TMTC2: variants seen among roughly 807,000 people sequenced by gnomAD.
TMTC2 encodes transmembrane O-mannosyltransferase targeting cadherins 2.
A neutral mutation model predicts 82.4 loss-of-function variants in TMTC2; 43 were observed. The ratio of observed to expected loss-of-function variants is 0.52; its 90% CI spans 0.41 to 0.67. The LOEUF is 0.67. Ranked by LOEUF, TMTC2 falls within the 30% of genes least tolerant of loss-of-function variation. The probability of loss-of-function intolerance (pLI) is 0.00; values close to 1 mark genes in which losing one functional copy is unlikely to be tolerated. For missense variants in TMTC2, 919 were observed against 1,012.4 expected (o/e 0.91, Z 1.25); for synonymous variants, 408 against 381.9 (o/e 1.07, Z -0.80).
At chr12:83,124,326 C>CA (rs1419586683) in intron 11 of TMTC2, among the ~76,000 whole-genome samples, 2 of 152,172 alleles carry the variant, frequency 1.3e-5, no homozygotes, top group African/African-American at 4.8e-5. Context: ...CTAGCACATA[C>CA]AAATTTGTCT....
intron 9 of TMTC2, among the ~76,000 whole-genome samples, chr12:83,045,511 C>A (rs559502330): frequency 1.3e-5 from 2 of 152,080 alleles, no homozygotes; most frequent in Non-Finnish European, 2.9e-5. Context: ...ATCTGTTGTT[C>A]CCTGTGAAGG....
intron 3 of TMTC2, among the ~76,000 whole-genome samples, chr12:82,929,983 G>GT (rs1374852857): frequency 2.6e-5 from 4 of 151,936 alleles, no homozygotes; most frequent in Non-Finnish European, 4.4e-5. Flanking sequence ...ATCTTGTTTA[G>GT]TTTTTTTGCT....
In TMTC2 at chr12:83,032,822, A is replaced by T. The variant is rs149473564; in HGVS notation, c.2152+1943A>T. Among the ~76,000 whole-genome samples, 768 of 152,256 alleles carry T rather than the reference A, an allele frequency of 5.0e-3. 3 individuals are homozygous for T. Among genetic ancestry groups the T allele is most frequent in the Non-Finnish European group, 8.3e-3 (568 of 68,028 alleles). On this transcript the variant is annotated intron_variant, in intron 9 of 11. Transcript: ENST00000321196. ...GTGATCCACCTGCTTTGGCCTCCCA[A>T]ATTGCTGGGGTTAGAGGCGTGAGCC...
At chr12:82,982,899 G>A (rs560376525) in intron 7 of TMTC2, among the ~76,000 whole-genome samples, 7 of 152,000 alleles carry the variant, frequency 4.6e-5, no homozygotes, top group Non-Finnish European at 1.0e-4. Context: ...GTATAATTTA[G>A]CCACACTGCT....
intron 9 of TMTC2, among the ~76,000 whole-genome samples, chr12:83,032,160 T>C (rs1300149180): frequency 2.0e-5 from 3 of 151,202 alleles, no homozygotes; most frequent in African/African-American, 7.3e-5. Context: ...GGAGGTTTTT[T>C]TTTCCCACTA....
At chr12:82,792,448 A>G (rs911466730) in intron 1 of TMTC2, among the ~76,000 whole-genome samples, 1 of 151,750 alleles carries the variant, frequency 6.6e-6, no homozygotes, top group Non-Finnish European at 1.5e-5. Context: ...CCTCTCCTCA[A>G]TGGTTTTTTG....
intron 1 of TMTC2, among the ~76,000 whole-genome samples, chr12:82,735,048 A>G (rs1340442568): frequency 6.6e-6 from 1 of 152,194 alleles, no homozygotes; most frequent in African/African-American, 2.4e-5. Flanking sequence ...TCCTTATTCC[A>G]CAGATACTTA....
intron 10 of TMTC2, among the ~76,000 whole-genome samples, chr12:83,059,413 A>AACTG (rs1034949323): frequency 6.6e-6 from 1 of 151,794 alleles, no homozygotes; most frequent in Admixed American, 6.6e-5. Context: ...CCGTGGGTAC[A>AACTG]ACTGACGTAT....
intron 9 of TMTC2, among the ~76,000 whole-genome samples, chr12:83,031,871 C>G (rs925435840): frequency 2.6e-5 from 4 of 152,126 alleles, no homozygotes; most frequent in Non-Finnish European, 1.5e-5. Flanking sequence ...TGTTTACAAA[C>G]CTAGGGTTGC....
intron 10 of TMTC2, among the ~76,000 whole-genome samples, chr12:83,056,044 T>TG (rs2137464311): frequency 6.6e-6 from 1 of 152,128 alleles, no homozygotes; most frequent in African/African-American, 2.4e-5. Context: ...TTACATGCTA[T>TG]GATTCTTGAC....
intron 11 of TMTC2, among the ~76,000 whole-genome samples, chr12:83,092,934 T>C (rs1883890688): frequency 6.6e-6 from 1 of 152,254 alleles, no homozygotes; most frequent in Non-Finnish European, 1.5e-5. Context: ...TGAAATTTAC[T>C]GGTGGTAAAG....
At chr12:83,119,071 A>G (rs1884862296) in intron 11 of TMTC2, among the ~76,000 whole-genome samples, 1 of 152,136 alleles carries the variant, frequency 6.6e-6, no homozygotes, top group Admixed American at 6.5e-5. Context: ...CTAATGGTCT[A>G]TCGATTTTAT....
chr12:82,695,946 A>G (rs1184545297), intron 1 of TMTC2, among the ~76,000 whole-genome samples: 2 of 152,232 alleles, frequency 1.3e-5, no homozygotes, highest in African/African-American at 4.8e-5. Flanking sequence ...TTCAGCTTTA[A>G]GAAACTAGGC....
At chr12:82,709,444 A>C (rs1873525052) in intron 1 of TMTC2, among the ~76,000 whole-genome samples, 1 of 152,234 alleles carries the variant, frequency 6.6e-6, no homozygotes, top group African/African-American at 2.4e-5. Flanking sequence ...GAATTTGAAA[A>C]ATGACTAATT....
chr12:82,724,328 C>G (rs558950419), intron 1 of TMTC2, among the ~76,000 whole-genome samples: 1 of 152,234 alleles, frequency 6.6e-6, no homozygotes, highest in South Asian at 2.1e-4. Flanking sequence ...TATGGTTTGG[C>G]TCTCTGTCCC....
intron 8 of TMTC2, among the ~76,000 whole-genome samples, chr12:83,021,505 G>A (rs1880921935): frequency 6.6e-6 from 1 of 152,102 alleles, no homozygotes; most frequent in Admixed American, 6.6e-5. Flanking sequence ...TGAGTCGGGA[G>A]GGTCACTTGA....
intron 7 of TMTC2, among the ~76,000 whole-genome samples, chr12:82,980,769 C>T (rs887614719): frequency 1.3e-5 from 2 of 151,832 alleles, no homozygotes; most frequent in Non-Finnish European, 2.9e-5. Flanking sequence ...CAGTCACGTA[C>T]GCATCACTCT....
chr12:82,859,592 C>T (rs1871430544), intron 2 of TMTC2, among the ~76,000 whole-genome samples: 1 of 152,164 alleles, frequency 6.6e-6, no homozygotes, highest in Non-Finnish European at 1.5e-5. Context: ...ATCTTTGTTT[C>T]TCTGAAATTG....
At chr12:82,829,541 A>T (rs976624801) in intron 1 of TMTC2, among the ~76,000 whole-genome samples, 1 of 152,180 alleles carries the variant, frequency 6.6e-6, no homozygotes, top group African/African-American at 2.4e-5. Flanking sequence ...GAGATCATTG[A>T]CTTTAAGAAA....
Sources: allele counts gnomAD v4.1 joint callset (sites outside exome capture counted in the v4.1 genomes callset), GRCh38; gene constraint gnomAD v4.1.1; transcripts MANE v1.5; gene names NCBI Gene and HGNC (gene_info 2026-07-23, HGNC 2026-07-21).